RTL4: variants seen among roughly 807,000 people sequenced by gnomAD.
RTL4 encodes the protein retrotransposon Gag like 4, also known as retrotransposon Gag-like protein 4.
A neutral mutation model predicts 5.3 loss-of-function variants in RTL4; 4 were observed. That is an observed-to-expected ratio of 0.75 (90% CI 0.37 to 1.72). The LOEUF is 1.72. Among genes scored for constraint, RTL4 ranks in the 40% most tolerant of loss-of-function variants. The pLI is 0.04. For synonymous variants in RTL4, 98 were observed against 87.3 expected, an observed-to-expected ratio of 1.12 and a Z score of -0.68; for missense variants, 260 against 227.1, an observed-to-expected ratio of 1.14 and a Z score of -0.93.
the RTL4 span, among the ~76,000 whole-genome samples, chrX:112,403,365 T>C: frequency 8.9e-6 from 1 of 112,204 alleles, no homozygotes; most frequent in Non-Finnish European, 1.9e-5. Context: ...ATTGAATTGC[T>C]AGAAGGTATT....
chrX:112,329,584 G>A, the RTL4 span, among the ~76,000 whole-genome samples: 4 of 110,174 alleles, frequency 3.6e-5, no homozygotes, highest in African/African-American at 9.9e-5. Context: ...AGAGGTACAA[G>A]GAGGAACTGG....
At chrX:112,351,439 G>C in the RTL4 span, among the ~76,000 whole-genome samples, 601 of 109,242 alleles carry the variant, frequency 5.5e-3, 10 homozygotes, top group African/African-American at 0.02. Flanking sequence ...TTTCTGTCTC[G>C]TTGATCTGTC....
chrX:112,199,687 G>A, the RTL4 span, among the ~76,000 whole-genome samples: 2 of 110,939 alleles, frequency 1.8e-5, no homozygotes, highest in African/African-American at 6.6e-5. Flanking sequence ...TGCTGTGTAG[G>A]TCACTCCTCA....
At chrX:112,326,493 C>T in the RTL4 span, among the ~76,000 whole-genome samples, 5 of 111,925 alleles carry the variant, frequency 4.5e-5, no homozygotes, top group Admixed American at 9.4e-5. Context: ...GCACGTGGCT[C>T]GGAGGGTCCT....
chrX:112,443,891 G>A, the RTL4 span, among the ~76,000 whole-genome samples: 113 of 111,414 alleles, frequency 1.0e-3, no homozygotes, highest in African/African-American at 3.4e-3. Context: ...TCTGTGGGTT[G>A]TCTCTCCAGT....
At chrX:112,247,564 C>G in the RTL4 span, among the ~76,000 whole-genome samples, 1 of 111,999 alleles carries the variant, frequency 8.9e-6, no homozygotes, top group Non-Finnish European at 1.9e-5. Flanking sequence ...GTTTTCTCTT[C>G]AAGACAATAC....
At chrX:112,419,031 G>GATATAT in the RTL4 span, among the ~76,000 whole-genome samples, 8 of 89,676 alleles carry the variant, frequency 8.9e-5, no homozygotes, top group African/African-American at 2.0e-4. Flanking sequence ...TTTCACATAA[G>GATATAT]ATATATATAT....
chrX:112,325,084 A>G, the RTL4 span, among the ~76,000 whole-genome samples: 1 of 111,507 alleles, frequency 9.0e-6, no homozygotes, highest in Non-Finnish European at 1.9e-5. Context: ...TAGGAATCCA[A>G]CTTACAAGGG....
the RTL4 span, among the ~76,000 whole-genome samples, chrX:112,199,184 G>A: frequency 4.5e-3 from 489 of 108,667 alleles, no homozygotes; most frequent in Non-Finnish European, 7.0e-3. Flanking sequence ...AGCTACTTGG[G>A]AGGCTGAGGC....
At chrX:112,327,219 G>T in the RTL4 span, among the ~76,000 whole-genome samples, 2 of 111,734 alleles carry the variant, frequency 1.8e-5, no homozygotes, top group Non-Finnish European at 3.8e-5. Flanking sequence ...AGCTATGGGA[G>T]GACATTCAAA....
the RTL4 span, among the ~76,000 whole-genome samples, chrX:112,330,997 A>C: frequency 9.1e-6 from 1 of 109,438 alleles, no homozygotes; most frequent in African/African-American, 3.3e-5. Context: ...ACCTTATACA[A>C]AAATTAATTC....
chrX:112,097,720 C>A, the RTL4 span, among the ~76,000 whole-genome samples: 4 of 111,390 alleles, frequency 3.6e-5, no homozygotes, highest in Admixed American at 3.8e-4. Context: ...TTTTTAAATA[C>A]CCCTTTGGAA....
At chrX:112,212,591 C>T in the RTL4 span, among the ~76,000 whole-genome samples, 1 of 111,780 alleles carries the variant, frequency 8.9e-6, no homozygotes, top group Non-Finnish European at 1.9e-5. Flanking sequence ...CTACCTGACA[C>T]AAAGGCTGGG....
chrX:112,131,503 G>A, the RTL4 span, among the ~76,000 whole-genome samples: 1 of 111,808 alleles, frequency 8.9e-6, no homozygotes, highest in African/African-American at 3.2e-5. Context: ...CATAAGTTTA[G>A]CAGTTATTGC....
chrX:112,198,799 T>C, the RTL4 span, among the ~76,000 whole-genome samples: 2 of 110,882 alleles, frequency 1.8e-5, no homozygotes, highest in Non-Finnish European at 3.8e-5. Context: ...GAGCATGTGA[T>C]GAAAATTGTG....
At chrX:112,268,540 T>C in the RTL4 span, among the ~76,000 whole-genome samples, 1 of 111,708 alleles carries the variant, frequency 9.0e-6, no homozygotes, top group African/African-American at 3.3e-5. Context: ...TCTAGCTAGC[T>C]ACTAGCAGAG....
chrX:112,318,300 A>G, the RTL4 span, among the ~76,000 whole-genome samples: 1 of 111,067 alleles, frequency 9.0e-6, no homozygotes, highest in Non-Finnish European at 1.9e-5. Flanking sequence ...TAAACATCTT[A>G]CCCAATATGG....
chrX:112,112,776 C>T, the RTL4 span, among the ~76,000 whole-genome samples: 1 of 111,689 alleles, frequency 9.0e-6, no homozygotes, highest in East Asian at 2.8e-4. Context: ...ATCCCTAAAC[C>T]CTTGGGGCAA....
chrX:112,388,982 G>A, the RTL4 span, among the ~76,000 whole-genome samples: 1 of 111,385 alleles, frequency 9.0e-6, no homozygotes, highest in Non-Finnish European at 1.9e-5. Context: ...ATTTTAGTAG[G>A]AATGATACCA....
Sources: gnomAD v4.1 joint callset for allele counts (sites outside exome capture counted in the v4.1 genomes callset) on GRCh38, gnomAD v4.1.1 for gene constraint, MANE v1.5 for transcripts, NCBI Gene and HGNC (gene_info 2026-07-23, HGNC 2026-07-21) for gene names.